The following GCFC2 variants were observed in gnomAD, a reference collection of about 807,000 sequenced individuals.
The protein encoded by GCFC2 is intron Large complex component GCFC2.
GCFC2 carries 102 observed loss-of-function variants against 99.4 expected under a neutral mutation model. That is an observed-to-expected ratio of 1.03 (90% confidence interval 0.87 to 1.21). The LOEUF is 1.21. GCFC2 is among the 50% of genes most tolerant of loss of function. The probability of loss-of-function intolerance (pLI) is 0.00; values close to 1 mark genes in which losing one functional copy is unlikely to be tolerated. For synonymous variants in GCFC2, 338 were observed against 316.8 expected, an observed-to-expected ratio of 1.07 and a Z score of -0.71; for missense variants, 973 against 920.9, an observed-to-expected ratio of 1.06 and a Z score of -0.73.
chr2:75,689,873 T>C (rs1679982202), intron 9 of GCFC2, 96 bp downstream of exon 9: 1 of 677,444 alleles, frequency 1.5e-6, no homozygotes, highest in Non-Finnish European at 2.6e-6. Context: ...CCAACTGTTT[T>C]ATATAGCTTA....
Position 75,673,467 on chromosome 2 carries a change from A to C in GCFC2, c.1866T>G (p.Val622=), listed in dbSNP as rs1257393627. ...SRMKKAVEDD[V]FIPLYPKSAV... Reference sequence around the variant, plus strand: ...ACCTCTTTGGATACAGAGGAATAAAAACATCATCTTCTACTGCCTTTTTCA... The same window carrying C: ...ACCTCTTTGGATACAGAGGAATAAACACATCATCTTCTACTGCCTTTTTCA... The change falls in exon 13 of 17, where the codon GTT becomes GTG. Residue 622 remains valine (V), a synonymous_variant. Coordinates refer to ENST00000321027, the MANE Select transcript of GCFC2 (RefSeq NM_003203.5). 2 of 1,422,206 alleles carry C rather than the reference A, an allele frequency of 1.4e-6. No individual in the cohort carries two copies. The highest frequency in any genetic ancestry group is 2.0e-6 in the Non-Finnish European group (2 of 1,005,256). 88.1% of individuals were successfully genotyped at this position (1,422,206 alleles called of 1,614,324 possible).
intron 12 of GCFC2, among the ~76,000 whole-genome samples, chr2:75,674,000 G>C (rs140813009): frequency 6.6e-6 from 1 of 152,122 alleles, no homozygotes; most frequent in South Asian, 2.1e-4. Context: ...ACATACTTAC[G>C]ATAATTGGCA....
rs1419126548 is a variant in GCFC2 at position 75,664,068 on chromosome 2, A to AT, written c.*597dup. The AT allele has an allele frequency of 6.6e-6, 1 of 152,176 alleles. No homozygotes were observed. The highest frequency in any genetic ancestry group is 1.5e-5 in the Non-Finnish European group (1 of 68,036). The allele number at this position is 152,176 out of a possible 1,614,324, so 9.4% of individuals were successfully genotyped here. On this transcript the variant is annotated 3_prime_UTR_variant, in exon 17 of 17. Coordinates refer to ENST00000321027, the MANE Select transcript of GCFC2 (RefSeq NM_003203.5). ...ACACAAAATACGCTATTAAAATAAG[A>AT]TTTTTACCTTTCAAATTTTCAATGC...
chr2:75,682,908 GAAAC>G (rs1679641945), intron 11 of GCFC2, among the ~76,000 whole-genome samples: 1 of 151,786 alleles, frequency 6.6e-6, no homozygotes, highest in Admixed American at 6.6e-5. Flanking sequence ...AAAGTGAAAA[GAAAC>G]AAACAAAGCC....
In GCFC2 at chr2:75,673,429, A is replaced by G. The variant is rs753206161; in HGVS notation, c.1889+15T>C. 32 of 1,154,878 alleles carry G rather than the reference A, an allele frequency of 2.8e-5. No homozygotes were observed. The Admixed American group carries it at 5.6e-4, about 20-fold the overall frequency. 71.5% of individuals were successfully genotyped at this position (1,154,878 alleles called of 1,614,324 possible). A position where few individuals can be genotyped will look rare whatever the true frequency, so the allele number is the denominator to read the frequency against. On this transcript the variant is annotated intron_variant, in intron 13 of 16. Transcript: ENST00000321027. ...ATCAGCTATTTCCAACAATCTAGAA[A>G]TTAACAGCGCTTACCTCTTTGGATA... is the stretch of plus-strand genomic sequence containing the variant.
chr2:75,670,439 C>T, intron 14 of GCFC2, 155 bp from the exon 15 acceptor site: 1 of 504,942 alleles, frequency 2.0e-6, no homozygotes, highest in East Asian at 3.0e-5. Context: ...TGAATAAATA[C>T]TTGATTCTTT....
intron 11 of GCFC2, among the ~76,000 whole-genome samples, chr2:75,685,571 C>T (rs754752467): frequency 6.6e-5 from 10 of 152,140 alleles, no homozygotes; most frequent in Non-Finnish European, 1.5e-4. Flanking sequence ...CTGGTCTTTG[C>T]TGTCTGCTTG....
rs772795309 is a variant in GCFC2, at chr2:75,706,602, G to A, written c.315C>T (p.His105=). 6.3e-7 allele frequency: 1 copy of A among 1,589,972 alleles called. No homozygotes were observed. The highest frequency in any genetic ancestry group is 8.6e-7 in the Non-Finnish European group (1 of 1,158,152). The change falls in exon 2 of 17, where the codon CAC becomes CAT. Residue 105 remains histidine, a synonymous_variant. Transcript: ENST00000321027. ...CCTGATCATCCTTACTTTCTGAGGA[G>A]TGATGTATTTTATCCTCTTCATCTG... is the stretch of plus-strand genomic sequence containing the variant. ...VSTDEEDKIH[H]SSESKDDQGL...
chr2:75,712,656 G>T (rs1053224934), upstream of GCFC2, among the ~76,000 whole-genome samples: 1 of 152,046 alleles, frequency 6.6e-6, no homozygotes, highest in African/African-American at 2.4e-5. Context: ...TTGGGTCCAC[G>T]TGGCTTTTAT....
At chr2:75,679,925 C>T in intron 12 of GCFC2, 1 of 421,788 alleles carries the variant, frequency 2.4e-6, no homozygotes, top group Admixed American at 4.1e-5. Flanking sequence ...GATTACCACT[C>T]CTATCACAGT....
In GCFC2 at chr2:75,672,012, C is replaced by T. The variant is rs766589269; in HGVS notation, c.1894G>A (p.Val632Ile). The T allele has an allele frequency of 2.3e-5, 35 of 1,544,914 alleles. No individual in the cohort carries two copies. The highest frequency in any genetic ancestry group is 1.7e-4 in the Middle Eastern group (1 of 5,906). Residue 632 changes from valine (V) to isoleucine (I), a missense_variant, in exon 14 of 17, where the codon GTA becomes ATA. Transcript: ENST00000321027. ...GAATGAGGTGATGTTTTGTTTTCTA[C>T]AGCACTAATTAGAAACAAACGAAAG... Reference protein sequence around the residue: ...VFIPLYPKSAVENKTSPHSKF... With the variant: ...VFIPLYPKSAIENKTSPHSKF...
chr2:75,688,462 CTTTT>C (rs965650813), intron 10 of GCFC2, among the ~76,000 whole-genome samples: 48 of 151,756 alleles, frequency 3.2e-4, no homozygotes, highest in Middle Eastern at 3.4e-3. Flanking sequence ...GTTCATACTT[CTTTT>C]TTTTTCTTTT....
intron 9 of GCFC2, 41 bp downstream of exon 9, chr2:75,689,928 C>T (rs370662608): frequency 1.0e-4 from 108 of 1,062,966 alleles, no homozygotes; most frequent in Non-Finnish European, 1.4e-4. Context: ...CTCACCATTT[C>T]AAAACTCAAA....
At chr2:75,681,875 C>T (rs766734763) in intron 11 of GCFC2, among the ~76,000 whole-genome samples, 4 of 151,936 alleles carry the variant, frequency 2.6e-5, no homozygotes, top group African/African-American at 4.9e-5. Context: ...AAGGCCACTG[C>T]GGCCAGACTG....
At chr2:75,664,916 AAC>A (rs1262833365) in intron 16 of GCFC2, 133 bp from the exon 17 acceptor site, 9 of 603,020 alleles carry the variant, frequency 1.5e-5, no homozygotes, top group Middle Eastern at 3.5e-4. Context: ...AGTAGCATAA[AAC>A]ACAGAGAGAT....
intron 7 of GCFC2, among the ~76,000 whole-genome samples, chr2:75,691,685 C>A (rs1319341209): frequency 2.0e-5 from 3 of 152,160 alleles, no homozygotes; most frequent in Non-Finnish European, 2.9e-5. Context: ...AGACTTCTGA[C>A]AGAGCCTCCA....
At position 75,664,037 on chromosome 2, in the gene GCFC2, T is replaced by C. The variant is rs936896891; in HGVS notation, c.*629A>G. ...CAAAACCAATATGTTTACTCTCTAATAGCCAACACAAAATACGCTATTAAA... is the reference window on the plus strand; with the variant it reads ...CAAAACCAATATGTTTACTCTCTAACAGCCAACACAAAATACGCTATTAAA... On this transcript the variant is annotated 3_prime_UTR_variant, in exon 17 of 17. Coordinates refer to ENST00000321027, the MANE Select transcript of GCFC2 (RefSeq NM_003203.5). The C allele has an allele frequency of 2.6e-5, 4 of 152,302 alleles. No individual in the cohort carries two copies. The highest frequency in any genetic ancestry group is 7.2e-5 in the African/African-American group (3 of 41,564). 9.4% of individuals were successfully genotyped at this position (152,302 alleles called of 1,614,324 possible).
chr2:75,697,181 C>A (rs1437204993), intron 4 of GCFC2, among the ~76,000 whole-genome samples: 1 of 152,228 alleles, frequency 6.6e-6, no homozygotes, highest in East Asian at 1.9e-4. Context: ...TGTCCTCTGT[C>A]TAATCACAGC....
upstream of GCFC2, among the ~76,000 whole-genome samples, chr2:75,712,885 G>A (rs1681247009): frequency 6.6e-6 from 1 of 152,096 alleles, no homozygotes; most frequent in African/African-American, 2.4e-5. Context: ...CACAATATTG[G>A]CACCTTGAAA....
Sources: gnomAD v4.1 joint callset for allele counts (sites outside exome capture counted in the v4.1 genomes callset) on GRCh38, gnomAD v4.1.1 for gene constraint, MANE v1.5 for transcripts, NCBI Gene and HGNC (gene_info 2026-07-23, HGNC 2026-07-21) for gene names.